Variants in ITPK1 observed in about 807,000 individuals in gnomAD.
ITPK1 encodes inositol-tetrakisphosphate 1-kinase, also known as inositol 1,3,4-trisphosphate 5/6-kinase.
Under a neutral mutation model 45.3 loss-of-function variants are expected in ITPK1, and 21 were observed. The observed-to-expected ratio is 0.46, with a 90% confidence interval of 0.33 to 0.67. The LOEUF is 0.67. Among genes scored for constraint, ITPK1 ranks in the 30% least tolerant of loss-of-function variants. The pLI is 0.02. For synonymous variants in ITPK1, 258 were observed against 253.6 expected (o/e 1.02, Z -0.16); for missense variants, 474 against 573.5 (o/e 0.83, Z 1.77).
At chr14:92,998,418 C>T (rs1887170234) in intron 4 of ITPK1, among the ~76,000 whole-genome samples, 1 of 152,286 alleles carries the variant, frequency 6.6e-6, no homozygotes, top group Non-Finnish European at 1.5e-5. Flanking sequence ...CCAACCCCAC[C>T]GGCAGCCCAG....
intron 3 of ITPK1, among the ~76,000 whole-genome samples, chr14:93,051,867 T>G (rs1386467900): frequency 6.6e-6 from 1 of 152,250 alleles, no homozygotes; most frequent in Non-Finnish European, 1.5e-5. Context: ...GCCACTGTTA[T>G]GGCTATGGGG....
chr14:92,994,406 G>A (rs1886947987), intron 4 of ITPK1, among the ~76,000 whole-genome samples: 1 of 152,136 alleles, frequency 6.6e-6, no homozygotes, highest in Admixed American at 6.5e-5. Context: ...GGGTCTGCGG[G>A]AAGGTGTGGT....
intron 8 of ITPK1, among the ~76,000 whole-genome samples, chr14:92,953,566 CCT>C (rs1888060296): frequency 6.6e-6 from 1 of 152,220 alleles, no homozygotes; most frequent in African/African-American, 2.4e-5. Flanking sequence ...GGCTCAGCCC[CCT>C]GAGCTCAGGG....
intron 4 of ITPK1, among the ~76,000 whole-genome samples, chr14:93,001,089 T>G (rs1289707291): frequency 6.7e-6 from 1 of 150,206 alleles, no homozygotes; most frequent in Non-Finnish European, 1.5e-5. Context: ...ACCAGCCAGT[T>G]AGAGACCAGC....
intron 9 of ITPK1, among the ~76,000 whole-genome samples, chr14:92,947,224 C>G (rs1025016327): frequency 6.6e-6 from 1 of 152,250 alleles, no homozygotes. Context: ...CTAAACAATG[C>G]GGGCTCCCCA....
At chr14:93,048,190 T>G (rs1470673969) in intron 3 of ITPK1, among the ~76,000 whole-genome samples, 1 of 152,262 alleles carries the variant, frequency 6.6e-6, no homozygotes, top group African/African-American at 2.4e-5. Context: ...GTCATCCTTT[T>G]GGGCACCTAC....
intron 3 of ITPK1, among the ~76,000 whole-genome samples, chr14:93,028,752 A>T (rs955271614): frequency 6.6e-6 from 1 of 152,190 alleles, no homozygotes; most frequent in Non-Finnish European, 1.5e-5. Context: ...TCCCACCTCT[A>T]ACGCCAAACA....
chr14:92,992,563 C>T (rs1010503636), intron 5 of ITPK1, among the ~76,000 whole-genome samples: 7 of 152,214 alleles, frequency 4.6e-5, no homozygotes, highest in African/African-American at 1.4e-4. Flanking sequence ...AAAGAGGCCT[C>T]GGGAGCCCTT....
At chr14:93,023,284 G>T (rs947419234) in intron 3 of ITPK1, among the ~76,000 whole-genome samples, 1 of 152,212 alleles carries the variant, frequency 6.6e-6, no homozygotes, top group Non-Finnish European at 1.5e-5. Context: ...AGTGAAAACA[G>T]AACATGCCGT....
intron 5 of ITPK1, among the ~76,000 whole-genome samples, chr14:92,982,526 A>C (rs1595108925): frequency 6.6e-6 from 1 of 152,278 alleles, no homozygotes; most frequent in East Asian, 1.9e-4. Flanking sequence ...TCTGTCAATG[A>C]GAGTTAGCTT....
intron 3 of ITPK1, among the ~76,000 whole-genome samples, chr14:93,029,503 C>T (rs959816066): frequency 6.6e-6 from 1 of 151,908 alleles, no homozygotes; most frequent in South Asian, 2.1e-4. Context: ...GGCAAGGACA[C>T]CCGAGCCACC....
At position 93,001,863 on chromosome 14, in the gene ITPK1, G is replaced by A. The variant is rs115062959; in HGVS notation, c.247-7866C>T. Among the ~76,000 whole-genome samples the A allele has an allele frequency of 7.4e-3, 1,128 of 152,294 alleles. 14 individuals are homozygous for A. The highest frequency in any genetic ancestry group is 0.026 in the African/African-American group (1,064 of 41,554). On this transcript the variant is annotated intron_variant, in intron 4 of 10. Coordinates refer to ENST00000267615, the MANE Select transcript of ITPK1 (RefSeq NM_014216.6). ...TTCCACCAGCTCCTCCGTACCCAGCGCCGGGTGAAACCCTGGAAGTCTCTG... is the reference window on the plus strand; with the variant it reads ...TTCCACCAGCTCCTCCGTACCCAGCACCGGGTGAAACCCTGGAAGTCTCTG...
In ITPK1 at chr14:92,941,695, G is replaced by C. The variant is rs1352740216; in HGVS notation, c.1111C>G (p.Pro371Ala). ...CCCGCGTCGGCCTCAGCCTTCCAGG[G>C]CGCGTCCTGGCCCATCATGCTGCCG... is the stretch of plus-strand genomic sequence containing the variant. ...CCGSMMGQDA[P>A]WKAEADAGGT... The change falls in exon 11 of 11, where the codon CCC becomes GCC. Residue 371 changes from proline (P) to alanine (A), a missense_variant. Around this residue, in one of 2 missense-constraint regions of ITPK1, gnomAD observed 107 missense variants for 92.9 expected, o/e 1.15. Transcript: ENST00000267615. 1 of 1,557,102 alleles carries C rather than the reference G, an allele frequency of 6.4e-7. No individual in the cohort carries two copies.
At chr14:93,007,386 C>T (rs1261402188) in intron 4 of ITPK1, among the ~76,000 whole-genome samples, 2 of 142,372 alleles carry the variant, frequency 1.4e-5, no homozygotes, top group Non-Finnish European at 3.1e-5. Context: ...CCGAGTCTGA[C>T]TTTCAGTTCC....
chr14:92,979,931 TCAC>T (rs368570582), intron 5 of ITPK1, among the ~76,000 whole-genome samples: 18 of 151,880 alleles, frequency 1.2e-4, no homozygotes, highest in African/African-American at 4.3e-4. Flanking sequence ...CAGGCGCACA[TCAC>T]CACGCCTGGC....
chr14:93,011,996 A>G lies in ITPK1; in HGVS notation c.246+4680T>C, dbSNP rs193258468. 6.6e-5 allele frequency among the ~76,000 whole-genome samples: 10 copies of G among 151,340 alleles called. 1 individual carries two copies. In the East Asian group the frequency reaches 9.8e-4, roughly 15 times the overall value. The stretch of plus-strand genomic sequence containing the variant: ...CTGACACCTGGAGACATCGCCGCAC[A>G]TGCCCATCAGGCAGCGCCATCTGCC... On this transcript the variant is annotated intron_variant, in intron 4 of 10. Coordinates refer to ENST00000267615, the MANE Select transcript of ITPK1 (RefSeq NM_014216.6).
chr14:93,004,289 C>T (rs2139829909), intron 4 of ITPK1, among the ~76,000 whole-genome samples: 1 of 152,366 alleles, frequency 6.6e-6, no homozygotes, highest in South Asian at 2.1e-4. Context: ...CTGCGGTTCC[C>T]TGCGGTCTCT....
intron 2 of ITPK1, among the ~76,000 whole-genome samples, chr14:93,093,507 C>T (rs374628673): frequency 7.9e-5 from 12 of 152,214 alleles, no homozygotes; most frequent in Admixed American, 6.5e-4. Context: ...TTTCTTCCCC[C>T]CTCAGCCCTG....
intron 3 of ITPK1, among the ~76,000 whole-genome samples, chr14:93,022,068 A>G (rs887292248): frequency 2.6e-5 from 4 of 152,222 alleles, no homozygotes; most frequent in African/African-American, 4.8e-5. Flanking sequence ...ACGAGCTGAC[A>G]TTAGACCCAG....
Sources: allele counts gnomAD v4.1 joint callset (sites outside exome capture counted in the v4.1 genomes callset), GRCh38; gene constraint gnomAD v4.1.1; regional missense constraint gnomAD v4.1.1; transcripts MANE v1.5; gene names NCBI Gene and HGNC (gene_info 2026-07-23, HGNC 2026-07-21).